MICU1: variants seen among roughly 807,000 people sequenced by gnomAD.
The protein encoded by MICU1 is mitochondrial calcium uptake 1, also known as calcium uptake protein 1, mitochondrial.
MICU1 carries 45 observed loss-of-function variants against 56.8 expected under a neutral mutation model. The observed-to-expected ratio is 0.79, with a 90% CI of 0.62 to 1.02. The LOEUF is 1.02. MICU1 is among the 50% of genes least tolerant of loss of function. MICU1 has a pLI of 0.00. For missense variants in MICU1, 504 were observed against 587.1 expected, an observed-to-expected ratio of 0.86 and a Z score of 1.46; for synonymous variants, 186 against 195.1, an observed-to-expected ratio of 0.95 and a Z score of 0.39.
chr10:72,435,317 G>C (rs1487170841), intron 8 of MICU1, among the ~76,000 whole-genome samples: 1 of 143,788 alleles, frequency 7.0e-6, no homozygotes, highest in African/African-American at 2.6e-5. Flanking sequence ...GAGTCCAGGA[G>C]TTCAAGGCTG....
chr10:72,545,775 T>A (rs114528088), intron 4 of MICU1, among the ~76,000 whole-genome samples: 1 of 152,296 alleles, frequency 6.6e-6, no homozygotes, highest in African/African-American at 2.4e-5. Context: ...GAATGTAAAT[T>A]TCCCCCAGAA....
chr10:72,612,089 C>T (rs1346347531), intron 1 of MICU1, among the ~76,000 whole-genome samples: 1 of 151,498 alleles, frequency 6.6e-6, no homozygotes, highest in Non-Finnish European at 1.5e-5. Context: ...AACTCCTTTC[C>T]TAATTGTCTT....
Position 72,510,218 on chromosome 10 carries a change from A to C in MICU1, c.538-1949T>G, listed in dbSNP as rs114617718. Among the ~76,000 whole-genome samples, 834 of 152,336 alleles carry C rather than the reference A, an allele frequency of 5.5e-3. 7 individuals are homozygous for C. Among genetic ancestry groups the C allele is most frequent in the African/African-American group, 0.019 (795 of 41,568 alleles). ...CATCCGGGCCATGCTGATGCTGAGA[A>C]GGTAACATAAGGGCAAATCTAATTT... On this transcript the variant is annotated intron_variant, in intron 5 of 11. Coordinates refer to ENST00000361114, the MANE Select transcript of MICU1 (RefSeq NM_001195518.2).
rs556264952 is a variant in MICU1, at chr10:72,596,377, A to G, written c.-1-29583T>C. 7.9e-5 allele frequency among the ~76,000 whole-genome samples: 12 copies of G among 151,430 alleles called. No individual in the cohort carries two copies. The East Asian group carries it at 2.3e-3, about 30-fold the overall frequency. The stretch of plus-strand genomic sequence containing the variant: ...TGCTTGAGCCCGGGAGGTCAAGGCT[A>G]CAGGGACTCCTGATCATGCCACTGT... On this transcript the variant is annotated intron_variant, in intron 1 of 11. Transcript: ENST00000361114.
chr10:72,596,966 T>C (rs535948285), intron 1 of MICU1, among the ~76,000 whole-genome samples: 1 of 152,034 alleles, frequency 6.6e-6, no homozygotes, highest in African/African-American at 2.4e-5. Flanking sequence ...TGTTTCAATA[T>C]TGGCTCATCA....
chr10:72,604,575 C>A (rs1051781547), intron 1 of MICU1, among the ~76,000 whole-genome samples: 1 of 150,616 alleles, frequency 6.6e-6, no homozygotes, highest in African/African-American at 2.4e-5. Context: ...GCCCGGCCTT[C>A]TGCCTTTTTT....
At chr10:72,523,749 T>G (rs1329092875) in intron 5 of MICU1, 3 of 1,216,352 alleles carry the variant, frequency 2.5e-6, no homozygotes, top group Non-Finnish European at 3.2e-6. Context: ...TTTTAATAAT[T>G]TATAAACTAC....
chr10:72,500,302 A>ATATTT (rs1867021751), intron 6 of MICU1, among the ~76,000 whole-genome samples: 5 of 10,656 alleles, frequency 4.7e-4, no homozygotes, highest in Non-Finnish European at 1.5e-3. Flanking sequence ...ATATATATAT[A>ATATTT]TTTTTTTTTT....
At chr10:72,381,963 T>TATACAC (rs1464438378) in intron 10 of MICU1, among the ~76,000 whole-genome samples, 65 of 138,344 alleles carry the variant, frequency 4.7e-4, no homozygotes, top group Non-Finnish European at 7.0e-4. Flanking sequence ...TATATATCTA[T>TATACAC]ACACACACAC....
At chr10:72,465,925 A>G (rs781636060) in intron 8 of MICU1, among the ~76,000 whole-genome samples, 1 of 152,304 alleles carries the variant, frequency 6.6e-6, no homozygotes, top group East Asian at 1.9e-4. Flanking sequence ...CAAAATTAGC[A>G]TAATTTTTTT....
At chr10:72,524,891 A>G in intron 5 of MICU1, 1 of 465,084 alleles carries the variant, frequency 2.2e-6, no homozygotes, top group Non-Finnish European at 3.5e-6. Flanking sequence ...GAAGTAGGAA[A>G]TGAGGAATAC....
intron 1 of MICU1, among the ~76,000 whole-genome samples, chr10:72,567,445 C>T (rs912614598): frequency 6.6e-6 from 1 of 151,912 alleles, no homozygotes; most frequent in East Asian, 1.9e-4. Flanking sequence ...CACAGAGCAC[C>T]AAGAAAAGAC....
At chr10:72,507,861 G>A (rs1470064168) in intron 6 of MICU1, among the ~76,000 whole-genome samples, 1 of 152,098 alleles carries the variant, frequency 6.6e-6, no homozygotes. Context: ...CAAGTGATCT[G>A]CCCACCTTGA....
intron 8 of MICU1, among the ~76,000 whole-genome samples, chr10:72,468,274 C>CTTCTACAAAT (rs1490826890): frequency 6.8e-6 from 1 of 146,438 alleles, no homozygotes; most frequent in Non-Finnish European, 1.5e-5. Flanking sequence ...TTGCTTCTTT[C>CTTCTACAAAT]TTCTACAAAT....
In MICU1 at chr10:72,368,072, T is replaced by G. The variant is rs1862203439; in HGVS notation, c.*123A>C. On this transcript the variant is annotated 3_prime_UTR_variant, in exon 12 of 12. Coordinates refer to ENST00000361114, the MANE Select transcript of MICU1 (RefSeq NM_001195518.2). Reference sequence around the variant, plus strand: ...TAAAGAGGGGAAACCGACAGAGTCCTGAGGTCATCCCGGGAGGAAGGGGGA... The same window carrying G: ...TAAAGAGGGGAAACCGACAGAGTCCGGAGGTCATCCCGGGAGGAAGGGGGA... 1 of 1,063,572 alleles carries G rather than the reference T, an allele frequency of 9.4e-7. No homozygotes were observed. Among genetic ancestry groups the G allele is most frequent in the Non-Finnish European group, 1.3e-6 (1 of 742,908 alleles). The allele number at this position is 1,063,572 out of a possible 1,614,324, so 65.9% of individuals were successfully genotyped here.
intron 1 of MICU1, among the ~76,000 whole-genome samples, chr10:72,611,135 T>C (rs117746079): frequency 0.032 from 4,754 of 150,566 alleles, 183 homozygotes; most frequent in East Asian, 0.23. Context: ...AAACCCCGTG[T>C]CTACTAAATA....
intron 10 of MICU1, among the ~76,000 whole-genome samples, 184 bp from the exon 11 acceptor site, chr10:72,376,056 C>T (rs866210372): frequency 1.3e-5 from 2 of 151,996 alleles, no homozygotes; most frequent in Non-Finnish European, 2.9e-5. Context: ...TTTGGGAGGC[C>T]GAGGAGGGTG....
chr10:72,475,184 A>C lies in MICU1; in HGVS notation c.849T>G (p.Phe283Leu), dbSNP rs749619685. Reference protein sequence around the residue: ...GLCSALTTYFFGADLKGKLTI... With the variant: ...GLCSALTTYFLGADLKGKLTI... ...TCAGCTTTCCCTTCAGATCAGCTCC[A>C]AAAAAGTAGGTTGTGAGGGCTGAAC... Residue 283 changes from phenylalanine to leucine, a missense_variant, in exon 8 of 12, where the codon TTT becomes TTG. Coordinates refer to ENST00000361114, the MANE Select transcript of MICU1 (RefSeq NM_001195518.2). The C allele has an allele frequency of 3.1e-6, 5 of 1,611,266 alleles. No homozygotes were observed. In the South Asian group the frequency reaches 5.5e-5, roughly 18 times the overall value.
chr10:72,494,469 TCA>T (rs5786081), intron 6 of MICU1, among the ~76,000 whole-genome samples: 85,979 of 151,590 alleles, frequency 0.57, 25,285 homozygotes, highest in Non-Finnish European at 0.67. Context: ...CATATTGAAC[TCA>T]GTCTTGCTAG....
Sources: allele counts gnomAD v4.1 joint callset (sites outside exome capture counted in the v4.1 genomes callset), GRCh38; gene constraint gnomAD v4.1.1; transcripts MANE v1.5; gene names NCBI Gene and HGNC (gene_info 2026-07-23, HGNC 2026-07-21).